Variants in IL1RAPL1 observed in about 807,000 individuals in gnomAD.
The protein encoded by IL1RAPL1 is interleukin-1 receptor accessory protein-like 1.
A neutral mutation model predicts 48.4 loss-of-function variants in IL1RAPL1; 3 were observed. The observed-to-expected ratio is 0.06, with a 90% CI of 0.03 to 0.16. The LOEUF (loss-of-function observed/expected upper bound fraction) is 0.16, where lower values mean the gene tolerates loss of function less well. Ranked by LOEUF, IL1RAPL1 falls within the 10% of genes least tolerant of loss-of-function variation. The probability of loss-of-function intolerance (pLI) is 1.00; values close to 1 mark genes in which losing one functional copy is unlikely to be tolerated. For synonymous variants in IL1RAPL1, 185 were observed against 187.7 expected, an observed-to-expected ratio of 0.99 and a Z score of 0.12; for missense variants, 349 against 530.6, an observed-to-expected ratio of 0.66 and a Z score of 3.36.
chrX:28,964,122 A>T (rs1924859450), intron 2 of IL1RAPL1, among the ~76,000 whole-genome samples: 1 of 111,484 alleles, frequency 9.0e-6, no homozygotes, highest in Non-Finnish European at 1.9e-5. Context: ...TAGTTTTATA[A>T]ATAGATGTGA....
chrX:28,968,983 A>T (rs7888129), intron 2 of IL1RAPL1, among the ~76,000 whole-genome samples: 1,520 of 112,706 alleles, frequency 0.013, 26 homozygotes, highest in African/African-American at 0.044. Flanking sequence ...AACAATTGGA[A>T]TTTGTTGTTT....
intron 3 of IL1RAPL1, among the ~76,000 whole-genome samples, chrX:29,388,497 T>G (rs895763203): frequency 1.8e-5 from 2 of 112,428 alleles, no homozygotes; most frequent in Non-Finnish European, 1.9e-5. Flanking sequence ...GCAGCATTAT[T>G]CACAATAGCT....
intron 6 of IL1RAPL1, among the ~76,000 whole-genome samples, chrX:29,817,643 C>T (rs1316284777): frequency 8.9e-6 from 1 of 111,743 alleles, no homozygotes; most frequent in Non-Finnish European, 1.9e-5. Flanking sequence ...AGACAAAGGT[C>T]TCATACAATT....
chrX:28,625,042 G>C (rs941777447), intron 1 of IL1RAPL1, among the ~76,000 whole-genome samples: 17 of 111,971 alleles, frequency 1.5e-4, no homozygotes, highest in Non-Finnish European at 2.4e-4. Flanking sequence ...ATGTGAGCAA[G>C]GAGCAGAGTC....
intron 6 of IL1RAPL1, among the ~76,000 whole-genome samples, chrX:29,766,364 G>GATATATAT (rs1569163254): frequency 1.6e-5 from 1 of 62,244 alleles, no homozygotes; most frequent in African/African-American, 9.3e-5. Context: ...TATATATATA[G>GATATATAT]ATAGATAGAT....
intron 2 of IL1RAPL1, among the ~76,000 whole-genome samples, chrX:29,215,209 G>A (rs1930844216): frequency 9.1e-6 from 1 of 110,226 alleles, no homozygotes; most frequent in Non-Finnish European, 1.9e-5. Context: ...AAATTAGCTG[G>A]GTGTGGTGGT....
At chrX:29,142,349 A>G (rs1341694552) in intron 2 of IL1RAPL1, among the ~76,000 whole-genome samples, 1 of 111,963 alleles carries the variant, frequency 8.9e-6, no homozygotes, top group Non-Finnish European at 1.9e-5. Context: ...GTTACATGCT[A>G]CAAAATGGCT....
intron 2 of IL1RAPL1, among the ~76,000 whole-genome samples, chrX:29,083,931 A>G: frequency 9.0e-6 from 1 of 111,460 alleles, no homozygotes; most frequent in Non-Finnish European, 1.9e-5. Flanking sequence ...TCAGAGAGAA[A>G]GAAAAGAGAC....
intron 2 of IL1RAPL1, among the ~76,000 whole-genome samples, chrX:29,222,324 T>A (rs1019418249): frequency 1.8e-5 from 2 of 111,957 alleles, no homozygotes; most frequent in Non-Finnish European, 3.8e-5. Flanking sequence ...ATTGGCAATT[T>A]CATTGATAAA....
intron 2 of IL1RAPL1, among the ~76,000 whole-genome samples, chrX:28,974,426 A>G (rs1925156716): frequency 8.9e-6 from 1 of 112,001 alleles, no homozygotes; most frequent in South Asian, 3.7e-4. Flanking sequence ...TATTGTCATG[A>G]CTTTCATGTA....
intron 2 of IL1RAPL1, among the ~76,000 whole-genome samples, chrX:29,028,513 C>A (rs1295836109): frequency 9.1e-6 from 1 of 110,216 alleles, no homozygotes; most frequent in South Asian, 3.9e-4. Flanking sequence ...GTCTCGATCT[C>A]TTGACCTCGT....
chrX:28,695,658 A>T (rs1174111932), intron 1 of IL1RAPL1, among the ~76,000 whole-genome samples: 1 of 112,117 alleles, frequency 8.9e-6, no homozygotes, highest in Non-Finnish European at 1.9e-5. Context: ...ATACGTTAAA[A>T]TAGTCACATG....
intron 1 of IL1RAPL1, among the ~76,000 whole-genome samples, chrX:28,665,394 A>G (rs1934864351): frequency 8.9e-6 from 1 of 112,435 alleles, no homozygotes; most frequent in East Asian, 2.8e-4. Context: ...ATTTATATTA[A>G]AATAAAATTA....
In IL1RAPL1 at chrX:29,658,864, A is replaced by G. The variant is rs545800169; in HGVS notation, c.704-9566A>G. Among the ~76,000 whole-genome samples, 189 of 112,012 alleles carry G rather than the reference A, an allele frequency of 1.7e-3. 2 individuals carry two copies. The highest frequency in any genetic ancestry group is 5.3e-3 in the African/African-American group (164 of 30,834). On this transcript the variant is annotated intron_variant, in intron 5 of 10. Coordinates refer to ENST00000378993, the MANE Select transcript of IL1RAPL1 (RefSeq NM_014271.4). ...TCTTCTAGCTATTATGATATATGCAATAAAGTATTCCTAATTATAATTTTC... is the reference window on the plus strand; with the variant it reads ...TCTTCTAGCTATTATGATATATGCAGTAAAGTATTCCTAATTATAATTTTC...
At chrX:28,719,634 T>C (rs2146939049) in intron 1 of IL1RAPL1, among the ~76,000 whole-genome samples, 1 of 111,246 alleles carries the variant, frequency 9.0e-6, no homozygotes, top group African/African-American at 3.3e-5. Flanking sequence ...TTTATACTGT[T>C]CATTAGGTAG....
chrX:28,922,946 T>A (rs1300449170), intron 2 of IL1RAPL1, among the ~76,000 whole-genome samples: 2 of 112,086 alleles, frequency 1.8e-5, no homozygotes, highest in South Asian at 7.4e-4. Flanking sequence ...CCATGGTAAA[T>A]GTGACCTGTA....
chrX:29,122,409 T>TCTCTCACA (rs60632925), intron 2 of IL1RAPL1, among the ~76,000 whole-genome samples: 18 of 64,590 alleles, frequency 2.8e-4, no homozygotes, highest in African/African-American at 9.4e-4. Context: ...TCTCTCTCTC[T>TCTCTCACA]CACACACACA....
At chrX:29,952,801 C>CT (rs1278955499) in intron 9 of IL1RAPL1, among the ~76,000 whole-genome samples, 2 of 111,922 alleles carry the variant, frequency 1.8e-5, no homozygotes, top group African/African-American at 3.2e-5. Context: ...TTTTCTTAAA[C>CT]TTTTTTGCCC....
At chrX:29,848,343 A>G (rs1931289752) in intron 6 of IL1RAPL1, among the ~76,000 whole-genome samples, 2 of 111,031 alleles carry the variant, frequency 1.8e-5, no homozygotes, top group African/African-American at 6.6e-5. Context: ...ATTCTTCCCT[A>G]ATCTTACGTG....
Sources: allele counts gnomAD v4.1 joint callset (sites outside exome capture counted in the v4.1 genomes callset), GRCh38; gene constraint gnomAD v4.1.1; transcripts MANE v1.5; gene names NCBI Gene and HGNC (gene_info 2026-07-23, HGNC 2026-07-21).